The following PDK2 variants were observed in gnomAD, a reference collection of about 807,000 sequenced individuals.
The protein encoded by PDK2 is pyruvate dehydrogenase kinase 2.
Under a neutral mutation model 50.4 loss-of-function variants are expected in PDK2, and 34 were observed. The ratio of observed to expected loss-of-function variants is 0.68; its 90% CI spans 0.51 to 0.90. PDK2 has a LOEUF of 0.90. Ranked by LOEUF, PDK2 falls within the 40% of genes least tolerant of loss-of-function variation. The pLI is 0.00. For synonymous variants in PDK2, 232 were observed against 216.0 expected (o/e 1.07, Z -0.65); for missense variants, 377 against 544.5 (o/e 0.69, Z 3.06).
In PDK2 at chr17:50,108,240, G is replaced by C; in HGVS notation, c.762+8G>C. 1.2e-6 allele frequency: 2 copies of C among 1,600,478 alleles called. No homozygotes were observed. The highest frequency in any genetic ancestry group is 2.2e-5 in the South Asian group (2 of 89,188). On this transcript the variant is annotated splice_region_variant and intron_variant, in intron 7 of 10. Transcript: ENST00000503176. ...CTCTTTGAGCTCTTCAAGGTGAGGA[G>C]GCTGGGAGCCGGTGCTTTGCGGGGA...
At chr17:50,096,960 G>A (rs1909982036) in intron 1 of PDK2, among the ~76,000 whole-genome samples, 1 of 152,238 alleles carries the variant, frequency 6.6e-6, no homozygotes, top group South Asian at 2.1e-4. Flanking sequence ...GGCCAGGCTG[G>A]GTGAGGTGGG....
At chr17:50,097,243 G>A (rs1361995082) in intron 1 of PDK2, among the ~76,000 whole-genome samples, 180 bp from the exon 2 acceptor site, 4 of 152,206 alleles carry the variant, frequency 2.6e-5, no homozygotes, top group Non-Finnish European at 4.4e-5. Context: ...CTCCTGAAGT[G>A]TTAGGCATGG....
Position 50,105,934 on chromosome 17 carries a change from C to G in PDK2, c.382C>G (p.Pro128Ala). The change falls in exon 4 of 11, where the codon CCC becomes GCC. Residue 128 changes from proline (P) to alanine (A), a missense_variant. Pro to Ala is a conservative substitution (Grantham distance 27). Around this residue, in one of 3 missense-constraint regions of PDK2, gnomAD observed 63 missense variants for 135.1 expected, o/e 0.47. Transcript: ENST00000503176. ...CCGGAACCGGCACAACGACGTGGTG[C>G]CCACCATGGCACAAGGCGTGCTTGA... ...TIRNRHNDVV[P>A]TMAQGVLEYK... 1 of 1,613,462 alleles carries G rather than the reference C, an allele frequency of 6.2e-7. No homozygotes were observed.
At position 50,109,460 on chromosome 17, in the gene PDK2, G is replaced by A; in HGVS notation, c.1083+60G>A. The A allele has an allele frequency of 1.9e-6, 2 of 1,062,074 alleles. No homozygotes were observed. The highest frequency in any genetic ancestry group is 1.5e-5 in the South Asian group (1 of 68,060). The allele number at this position is 1,062,074 out of a possible 1,614,324, so 65.8% of individuals were successfully genotyped here. On this transcript the variant is annotated intron_variant, in intron 10 of 10. Coordinates refer to ENST00000503176, the MANE Select transcript of PDK2 (RefSeq NM_002611.5). The surrounding 1 kb of genome is among the most constrained non-coding windows in gnomAD (Gnocchi z 5.0). ...GAGCTTTGCTGATAGGACCTGGGCA[G>A]CCTTGGCCAGCTGCGAGCTTTCCTT...
chr17:50,095,251 G>A (rs1002966378), upstream of PDK2: 4 of 546,070 alleles, frequency 7.3e-6, no homozygotes, highest in Non-Finnish European at 1.3e-5. Flanking sequence ...CTATTGGTTC[G>A]CCCGGAGTTG....
chr17:50,095,829 G>C (rs1039961933), intron 1 of PDK2: 143 of 1,175,716 alleles, frequency 1.2e-4, no homozygotes, highest in Non-Finnish European at 1.5e-4. Context: ...CAGTGAAGCT[G>C]TGATGTTACT....
chr17:50,106,278 G>C (rs1910512520), intron 4 of PDK2: 1 of 1,347,502 alleles, frequency 7.4e-7, no homozygotes, highest in African/African-American at 1.5e-5. Context: ...AAAACGTTTT[G>C]TTTTCAGTGT....
At chr17:50,102,009 T>TGCACCACTGCTTCAG (rs1461120731) in intron 2 of PDK2, 2 of 152,300 alleles carry the variant, frequency 1.3e-5, no homozygotes, top group Non-Finnish European at 2.9e-5. Context: ...TGTCTGTCAC[T>TGCACCACTGCTTCAG]GCACCACTGC....
intron 3 of PDK2, 60 bp from the exon 4 acceptor site, chr17:50,105,825 G>T: frequency 1.3e-6 from 2 of 1,572,406 alleles, no homozygotes; most frequent in Non-Finnish European, 1.7e-6. Flanking sequence ...GTGGAGAGGG[G>T]AGTCAGAAGC....
At chr17:50,096,431 G>A (rs1909952115) in intron 1 of PDK2, 1 of 430,372 alleles carries the variant, frequency 2.3e-6, no homozygotes, top group Non-Finnish European at 3.1e-6. Flanking sequence ...CTGGGGGTGG[G>A]GGGCAGTCTC....
At chr17:50,103,264 T>C (rs1910327313) in intron 2 of PDK2, among the ~76,000 whole-genome samples, 1 of 152,038 alleles carries the variant, frequency 6.6e-6, no homozygotes, top group Non-Finnish European at 1.5e-5. Context: ...TGTGCAGAGC[T>C]CTGGGTAGGG....
chr17:50,099,237 C>T (rs1199512191), intron 2 of PDK2, among the ~76,000 whole-genome samples: 14 of 152,118 alleles, frequency 9.2e-5, no homozygotes, highest in Non-Finnish European at 1.5e-5. Flanking sequence ...TGCCTCTCCA[C>T]CTGGTCCCTG....
chr17:50,106,413 A>AC, intron 4 of PDK2: 1 of 449,328 alleles, frequency 2.2e-6, no homozygotes. Context: ...ATTCACTATG[A>AC]TTTTTGAGAA....
At chr17:50,097,255 G>A (rs1300427932) in intron 1 of PDK2, among the ~76,000 whole-genome samples, 168 bp from the exon 2 acceptor site, 1 of 152,198 alleles carries the variant, frequency 6.6e-6, no homozygotes, top group East Asian at 1.9e-4. Flanking sequence ...TAGGCATGGG[G>A]TGTAGGTGTT....
chr17:50,105,190 G>A (rs1910441566), intron 2 of PDK2, 181 bp from the exon 3 acceptor site: 1 of 487,278 alleles, frequency 2.1e-6, no homozygotes, highest in Non-Finnish European at 3.7e-6. Flanking sequence ...AACTGACTGG[G>A]TTGTCAGGGA....
intron 2 of PDK2, among the ~76,000 whole-genome samples, chr17:50,100,439 C>T (rs1272991435): frequency 6.6e-6 from 1 of 152,160 alleles, no homozygotes; most frequent in Non-Finnish European, 1.5e-5. Flanking sequence ...TCAGCTTCCT[C>T]ATGTGTAAAA....
Position 50,108,720 on chromosome 17 carries a change from G to C in PDK2, c.969+1G>C. 2.5e-6 allele frequency: 4 copies of C among 1,598,078 alleles called. No homozygotes were observed. The highest frequency in any genetic ancestry group is 3.4e-6 in the Non-Finnish European group (4 of 1,168,334). ...GCCTGGCACCGGGGGAACGCCGCTGGTGAGATGGCTTCACCCCAGCCCCTC... is the reference window on the plus strand; with the variant it reads ...GCCTGGCACCGGGGGAACGCCGCTGCTGAGATGGCTTCACCCCAGCCCCTC... On this transcript the variant is annotated splice_donor_variant, in intron 9 of 10. Transcript: ENST00000503176. LOFTEE classifies it high-confidence loss of function.
Position 50,105,969 on chromosome 17 carries a change from CACCTACGGCGATG to C in PDK2, c.421_433del (p.Tyr141ProfsTer113). 1 of 1,612,776 alleles carries C rather than the reference CACCTACGGCGATG, an allele frequency of 6.2e-7. No homozygotes were observed. The highest frequency in any genetic ancestry group is 1.3e-5 in the African/African-American group (1 of 75,036). On this transcript the variant is annotated frameshift_variant, in exon 4 of 11. Coordinates refer to ENST00000503176, the MANE Select transcript of PDK2 (RefSeq NM_002611.5). LOFTEE classifies it high-confidence loss of function. ...CACAAGGCGTGCTTGAGTACAAGGA[CACCTACGGCGATG>C]ACCCCGTCTCCAACCAGAACATCCA...
chr17:50,107,982 C>G lies in PDK2; in HGVS notation c.686-174C>G, dbSNP rs569091698. On this transcript the variant is annotated intron_variant, in intron 6 of 10. Transcript: ENST00000503176. ...GAAAGCAGGGCCCAAGAATTGAATG[C>G]ATCACTTCCATGAGTCACCAGCTAC... The G allele has an allele frequency of 5.1e-5, 32 of 632,588 alleles. 1 individual carries two copies. Among genetic ancestry groups the G allele is most frequent in the African/African-American group, 3.1e-4 (17 of 54,662 alleles). 39.2% of individuals were successfully genotyped at this position (632,588 alleles called of 1,614,324 possible). A position where few individuals can be genotyped will look rare whatever the true frequency, so the allele number is the denominator to read the frequency against.
Sources: gnomAD v4.1 joint callset for allele counts (sites outside exome capture counted in the v4.1 genomes callset) on GRCh38, gnomAD v4.1.1 for gene constraint, gnomAD v4.1.1 regional missense constraint, Gnocchi (gnomAD v3.1) non-coding constraint, MANE v1.5 for transcripts, NCBI Gene and HGNC (gene_info 2026-07-23, HGNC 2026-07-21) for gene names.